The following GRID2 variants were observed in gnomAD, a reference collection of about 807,000 sequenced individuals.
GRID2 encodes glutamate receptor ionotropic, delta-2.
A neutral mutation model predicts 114.8 loss-of-function variants in GRID2; 33 were observed. That is an observed-to-expected ratio of 0.29 (90% CI 0.22 to 0.38). The LOEUF (loss-of-function observed/expected upper bound fraction) is 0.38, where lower values mean the gene tolerates loss of function less well. GRID2 is among the 10% of genes least tolerant of loss of function. The pLI, the probability that GRID2 is intolerant of heterozygous loss-of-function variation, is 1.00. For missense variants in GRID2, 1,184 were observed against 1,257.7 expected (o/e 0.94, Z 0.89); for synonymous variants, 505 against 449.9 (o/e 1.12, Z -1.55).
intron 2 of GRID2, among the ~76,000 whole-genome samples, chr4:93,049,655 G>A (rs931490614): frequency 6.6e-6 from 1 of 151,666 alleles, no homozygotes; most frequent in Non-Finnish European, 1.5e-5. Context: ...AGTATATCAA[G>A]GGAACCCAGG....
intron 2 of GRID2, among the ~76,000 whole-genome samples, chr4:92,782,181 G>T (rs760895611): frequency 1.3e-5 from 2 of 151,966 alleles, no homozygotes; most frequent in Non-Finnish European, 2.9e-5. Flanking sequence ...CAGTAATACT[G>T]TTATTTATAT....
chr4:92,477,950 A>G (rs1408333589), intron 1 of GRID2, among the ~76,000 whole-genome samples: 1 of 151,296 alleles, frequency 6.6e-6, no homozygotes, highest in African/African-American at 2.4e-5. Flanking sequence ...CAAGAGTTAC[A>G]TCTTTTACAG....
intron 1 of GRID2, among the ~76,000 whole-genome samples, chr4:92,378,364 T>G (rs367839831): frequency 6.6e-6 from 1 of 152,146 alleles, no homozygotes; most frequent in African/African-American, 2.4e-5. Flanking sequence ...TTTTTGTGTA[T>G]GTAAATGAAA....
At chr4:92,359,937 T>G (rs1306659047) in intron 1 of GRID2, among the ~76,000 whole-genome samples, 5 of 152,040 alleles carry the variant, frequency 3.3e-5, no homozygotes, top group Non-Finnish European at 5.9e-5. Context: ...GCAGCAGTCC[T>G]GTGATTCTAA....
chr4:93,241,973 C>T (rs936794999), intron 8 of GRID2, among the ~76,000 whole-genome samples: 14 of 151,452 alleles, frequency 9.2e-5, no homozygotes, highest in African/African-American at 2.7e-4. Flanking sequence ...TAATTGATAG[C>T]GATACAGTAG....
intron 13 of GRID2, among the ~76,000 whole-genome samples, chr4:93,588,316 A>G (rs1460255498): frequency 6.6e-6 from 1 of 152,128 alleles, no homozygotes; most frequent in Non-Finnish European, 1.5e-5. Flanking sequence ...TGCAGTTGGA[A>G]TAATAGGTTT....
At chr4:92,499,866 C>T (rs766495615) in intron 1 of GRID2, among the ~76,000 whole-genome samples, 1 of 152,244 alleles carries the variant, frequency 6.6e-6, no homozygotes, top group African/African-American at 2.4e-5. Flanking sequence ...TCACACACCT[C>T]AGCCTCCCAA....
At chr4:93,389,172 G>A (rs1448935770) in intron 8 of GRID2, among the ~76,000 whole-genome samples, 2 of 152,148 alleles carry the variant, frequency 1.3e-5, no homozygotes, top group African/African-American at 4.8e-5. Flanking sequence ...TTATTTAATG[G>A]AGGAGATAGG....
intron 4 of GRID2, among the ~76,000 whole-genome samples, chr4:93,116,751 G>GTT (rs34044500): frequency 8.0e-4 from 117 of 145,640 alleles, no homozygotes; most frequent in African/African-American, 2.8e-3. Flanking sequence ...AAGGAAGAGG[G>GTT]TTTTTTTTTT....
intron 1 of GRID2, among the ~76,000 whole-genome samples, chr4:92,413,732 T>C (rs892636017): frequency 6.6e-6 from 1 of 152,108 alleles, no homozygotes. Context: ...GAAATGACTG[T>C]TTATTGTGTT....
intron 2 of GRID2, among the ~76,000 whole-genome samples, chr4:92,727,998 T>G (rs1736143692): frequency 6.6e-6 from 1 of 152,028 alleles, no homozygotes; most frequent in African/African-American, 2.4e-5. Flanking sequence ...ATTTAGAACA[T>G]GTTCAAGAAA....
intron 1 of GRID2, among the ~76,000 whole-genome samples, chr4:92,547,743 C>T (rs1726338612): frequency 6.6e-6 from 1 of 151,124 alleles, no homozygotes; most frequent in Non-Finnish European, 1.5e-5. Flanking sequence ...TCTTTTTGTT[C>T]TCACACATAA....
At chr4:92,470,180 T>C (rs1721963718) in intron 1 of GRID2, among the ~76,000 whole-genome samples, 1 of 151,936 alleles carries the variant, frequency 6.6e-6, no homozygotes, top group South Asian at 2.1e-4. Context: ...TTGGAAATTC[T>C]ACAGCTCCAT....
chr4:92,645,618 A>G (rs1426915288), intron 2 of GRID2, among the ~76,000 whole-genome samples: 1 of 151,552 alleles, frequency 6.6e-6, no homozygotes, highest in Non-Finnish European at 1.5e-5. Flanking sequence ...TTACTCCACA[A>G]AGTTTCTTCA....
intron 2 of GRID2, among the ~76,000 whole-genome samples, chr4:92,907,938 G>A (rs1010466270): frequency 3.9e-5 from 6 of 152,138 alleles, no homozygotes; most frequent in Non-Finnish European, 7.4e-5. Context: ...CAGGAGAATC[G>A]CTTGAATCCG....
chr4:93,800,035 A>G (rs920379693), intron 1 of GRID2, among the ~76,000 whole-genome samples: 2 of 152,222 alleles, frequency 1.3e-5, no homozygotes, highest in African/African-American at 2.4e-5. Flanking sequence ...GAAAGCTCCT[A>G]TGTTTCCTGG....
intron 1 of GRID2, among the ~76,000 whole-genome samples, chr4:92,327,418 T>C (rs1431740540): frequency 6.6e-6 from 1 of 151,934 alleles, no homozygotes; most frequent in Non-Finnish European, 1.5e-5. Context: ...AGTTAAACAA[T>C]TTCACTCAGA....
chr4:93,330,340 C>A (rs567638833), intron 8 of GRID2, among the ~76,000 whole-genome samples: 1 of 152,156 alleles, frequency 6.6e-6, no homozygotes, highest in African/African-American at 2.4e-5. Context: ...TTAGGAGACT[C>A]CATCTCTGCT....
intron 1 of GRID2, among the ~76,000 whole-genome samples, chr4:92,468,726 T>A (rs1231639592): frequency 6.6e-6 from 1 of 152,080 alleles, no homozygotes; most frequent in Non-Finnish European, 1.5e-5. Flanking sequence ...CATAAATATA[T>A]TATGTCTGAG....
Sources: gnomAD v4.1 joint callset for allele counts (sites outside exome capture counted in the v4.1 genomes callset) on GRCh38, gnomAD v4.1.1 for gene constraint, MANE v1.5 for transcripts, NCBI Gene and HGNC (gene_info 2026-07-23, HGNC 2026-07-21) for gene names.